CACNG3: variants seen among roughly 807,000 people sequenced by gnomAD.
The protein encoded by CACNG3 is calcium voltage-gated channel auxiliary subunit gamma 3.
In CACNG3, 3 loss-of-function variants were observed where a neutral mutation model predicts 28.5. That is an observed-to-expected ratio of 0.11 (90% CI 0.05 to 0.27). The LOEUF is 0.27. CACNG3 is among the 10% of genes least tolerant of loss of function. CACNG3 has a pLI of 1.00. For missense variants in CACNG3, 236 were observed against 414.4 expected (o/e 0.57, Z 3.74); for synonymous variants, 174 against 162.2 (o/e 1.07, Z -0.55).
At chr16:24,335,238 G>C (rs1042212306) in intron 1 of CACNG3, among the ~76,000 whole-genome samples, 1 of 152,088 alleles carries the variant, frequency 6.6e-6, no homozygotes, top group African/African-American at 2.4e-5. Flanking sequence ...TGGCCAACAT[G>C]GTGAAACGCT....
chr16:24,284,973 C>T (rs1213029455), intron 1 of CACNG3, among the ~76,000 whole-genome samples: 1 of 129,284 alleles, frequency 7.7e-6, no homozygotes, highest in Non-Finnish European at 1.6e-5. Context: ...TCTTGTCTTA[C>T]AAACACAGGA....
At position 24,269,621 on chromosome 16, in the gene CACNG3, C is replaced by T. The variant is rs189982770; in HGVS notation, c.211+12656C>T. Reference sequence around the variant, plus strand: ...AATTAGCCCAGTGTGGTGGTGGGCACCTGTAATCCCAGCTACTCGGGAGGC... The same window carrying T: ...AATTAGCCCAGTGTGGTGGTGGGCATCTGTAATCCCAGCTACTCGGGAGGC... On this transcript the variant is annotated intron_variant, in intron 1 of 3. Coordinates refer to ENST00000005284, the MANE Select transcript of CACNG3 (RefSeq NM_006539.4). 4.6e-3 allele frequency among the ~76,000 whole-genome samples: 699 copies of T among 151,814 alleles called. 13 individuals carry two copies. The highest frequency in any genetic ancestry group is 3.8e-3 in the Admixed American group (58 of 15,258).
At chr16:24,327,107 C>G (rs1280242343) in intron 1 of CACNG3, among the ~76,000 whole-genome samples, 6 of 105,018 alleles carry the variant, frequency 5.7e-5, no homozygotes, top group Non-Finnish European at 1.7e-5. Flanking sequence ...AAGGAGTGGC[C>G]AAGGCAGGGG....
chr16:24,281,162 G>A (rs2141351182), intron 1 of CACNG3, among the ~76,000 whole-genome samples: 1 of 152,238 alleles, frequency 6.6e-6, no homozygotes, highest in South Asian at 2.1e-4. Context: ...ATGGGGAACA[G>A]CAGCTCCCAG....
intron 1 of CACNG3, among the ~76,000 whole-genome samples, chr16:24,263,963 A>G (rs1192685637): frequency 1.3e-5 from 2 of 152,244 alleles, no homozygotes; most frequent in Non-Finnish European, 2.9e-5. Flanking sequence ...TGGATTGGAC[A>G]CTTGCTTAAG....
chr16:24,343,799 G>C (rs749936607), intron 1 of CACNG3, among the ~76,000 whole-genome samples: 6 of 152,062 alleles, frequency 3.9e-5, no homozygotes, highest in Non-Finnish European at 8.8e-5. Flanking sequence ...TATAACATTA[G>C]GCATCTCAGG....
intron 1 of CACNG3, among the ~76,000 whole-genome samples, chr16:24,295,368 C>T (rs546966519): frequency 6.6e-6 from 1 of 152,172 alleles, no homozygotes; most frequent in African/African-American, 2.4e-5. Context: ...ACTTGCTACT[C>T]CTGGTGCTGA....
At chr16:24,315,026 T>C (rs1899329855) in intron 1 of CACNG3, among the ~76,000 whole-genome samples, 1 of 152,134 alleles carries the variant, frequency 6.6e-6, no homozygotes, top group Non-Finnish European at 1.5e-5. Flanking sequence ...GGAGGTGTCT[T>C]GCCCACCTGA....
In CACNG3 at chr16:24,317,627, ACAG is replaced by A. The variant is rs1567217538; in HGVS notation, c.212-29106_212-29104del. Among the ~76,000 whole-genome samples the A allele has an allele frequency of 1.5e-3, 68 of 44,428 alleles. 6 individuals carry two copies. Among genetic ancestry groups the A allele is most frequent in the East Asian group, 2.5e-3 (4 of 1,632 alleles). The allele number at this position is 44,428 out of a possible 152,430, so 29.1% of individuals were successfully genotyped here. A position where few individuals can be genotyped will look rare whatever the true frequency, so the allele number is the denominator to read the frequency against. On this transcript the variant is annotated intron_variant, in intron 1 of 3. Coordinates refer to ENST00000005284, the MANE Select transcript of CACNG3 (RefSeq NM_006539.4). ...GAAAGAAAGAAAGAAAGAAAGAAAG[ACAG>A]ACAGAAAGAAAGAAAAGAAAAGAAA...
chr16:24,330,843 T>TC (rs1899622583), intron 1 of CACNG3, among the ~76,000 whole-genome samples: 1 of 152,210 alleles, frequency 6.6e-6, no homozygotes, highest in Admixed American at 6.5e-5. Flanking sequence ...AAGAAGACTT[T>TC]CAGACACTCT....
At chr16:24,310,029 A>G (rs896270406) in intron 1 of CACNG3, among the ~76,000 whole-genome samples, 17 of 152,312 alleles carry the variant, frequency 1.1e-4, no homozygotes, top group East Asian at 5.8e-4. Context: ...AAATGTCACT[A>G]TGAGAAAGAA....
rs1002657605 is a variant in CACNG3 at position 24,285,721 on chromosome 16, T to C, written c.211+28756T>C. 4.6e-5 allele frequency among the ~76,000 whole-genome samples: 7 copies of C among 151,838 alleles called. 1 individual carries two copies. In the South Asian group the frequency reaches 1.5e-3, roughly 31 times the overall value. On this transcript the variant is annotated intron_variant, in intron 1 of 3. Transcript: ENST00000005284. ...ATTATATATCTAATTGAAGATAATA[T>C]GTATATATAATTTAAAAAGTATATA...
At chr16:24,286,366 G>A (rs937166596) in intron 1 of CACNG3, among the ~76,000 whole-genome samples, 2 of 151,398 alleles carry the variant, frequency 1.3e-5, no homozygotes, top group African/African-American at 4.9e-5. Context: ...TTGTAGCAAG[G>A]GGAGTGATTA....
At chr16:24,359,463 A>G (rs773821632) in intron 3 of CACNG3, among the ~76,000 whole-genome samples, 4 of 152,140 alleles carry the variant, frequency 2.6e-5, no homozygotes, top group Non-Finnish European at 5.9e-5. Context: ...CTACCTGCTG[A>G]ATGTCTGTGC....
rs1220586322 is a variant in CACNG3 at position 24,256,667 on chromosome 16, C to G, written c.-88C>G. 1.6e-5 allele frequency: 14 copies of G among 869,252 alleles called. No individual in the cohort carries two copies. In the Admixed American group the frequency reaches 2.4e-4, roughly 15 times the overall value. The allele number at this position is 869,252 out of a possible 1,614,324, so 53.8% of individuals were successfully genotyped here. A position where few individuals can be genotyped will look rare whatever the true frequency, so the allele number is the denominator to read the frequency against. On this transcript the variant is annotated 5_prime_UTR_variant, in exon 1 of 4. The change creates a premature stop within an existing upstream ORF in the 5' untranslated region. Transcript: ENST00000005284. The surrounding 1 kb of genome is among the most constrained non-coding windows in gnomAD (Gnocchi z 4.6). ...ACCTGAATTTTTGGAAGAGCCTGTA[C>G]TAGGTTACCCGGCTGCAGAGTGATT...
chr16:24,301,244 G>T (rs1899106599), intron 1 of CACNG3, among the ~76,000 whole-genome samples: 1 of 151,300 alleles, frequency 6.6e-6, no homozygotes, highest in African/African-American at 2.4e-5. Context: ...CAATTATATG[G>T]GGATCCATGA....
chr16:24,362,028 C>G lies in CACNG3; in HGVS notation c.*165C>G. The G allele has an allele frequency of 1.6e-6, 1 of 618,354 alleles. No individual in the cohort carries two copies. Among genetic ancestry groups the G allele is most frequent in the Non-Finnish European group, 2.7e-6 (1 of 366,204 alleles). The allele number at this position is 618,354 out of a possible 1,614,324, so 38.3% of individuals were successfully genotyped here. ...CACATTTTCCCCTCACCCTCCAAGTCCTAACCCCTCCATCCTCTCTAACTT... is the reference window on the plus strand; with the variant it reads ...CACATTTTCCCCTCACCCTCCAAGTGCTAACCCCTCCATCCTCTCTAACTT... On this transcript the variant is annotated 3_prime_UTR_variant, in exon 4 of 4. Coordinates refer to ENST00000005284, the MANE Select transcript of CACNG3 (RefSeq NM_006539.4).
intron 2 of CACNG3, among the ~76,000 whole-genome samples, chr16:24,354,005 T>C (rs1899995115): frequency 1.3e-5 from 2 of 151,948 alleles, no homozygotes. Context: ...CCAGCCTGGG[T>C]AACTTGGTGA....
At chr16:24,321,838 G>C (rs1040114358) in intron 1 of CACNG3, among the ~76,000 whole-genome samples, 5 of 152,160 alleles carry the variant, frequency 3.3e-5, no homozygotes, top group African/African-American at 1.2e-4. Context: ...TAATTGTGCT[G>C]TTTTATTAAT....
Sources: gnomAD v4.1 joint callset for allele counts (sites outside exome capture counted in the v4.1 genomes callset) on GRCh38, gnomAD v4.1.1 for gene constraint, Gnocchi (gnomAD v3.1) non-coding constraint, MANE v1.5 for transcripts, NCBI Gene and HGNC (gene_info 2026-07-23, HGNC 2026-07-21) for gene names.